Variants in CGN observed in about 807,000 individuals in gnomAD.
The protein encoded by CGN is cingulin.
In CGN, 121 loss-of-function variants were observed where a neutral mutation model predicts 157.1. That is an observed-to-expected ratio of 0.77 (90% CI 0.66 to 0.90). CGN has a LOEUF of 0.90. Ranked by LOEUF, CGN falls within the 40% of genes least tolerant of loss-of-function variation. CGN has a pLI of 0.00. For synonymous variants in CGN, 535 were observed against 607.5 expected (o/e 0.88, Z 1.76); for missense variants, 1,424 against 1,520.9 (o/e 0.94, Z 1.06).
At position 151,524,319 on chromosome 1, in the gene CGN, T is replaced by C. The variant is rs760834265; in HGVS notation, c.1362T>C (p.His454=). The part of the protein sequence containing the change: ...QVMELQNKLK[H]VQGPEPAKEV... ...TGGAGCTGCAGAACAAGCTGAAACA[T>C]GTCCAGGGTCCTGAGCCTGCTAAGG... The change falls in exon 7 of 21, where the codon CAT becomes CAC. Residue 454 remains histidine (H), a synonymous_variant. Transcript: ENST00000271636. The surrounding 1 kb of genome is among the most constrained non-coding windows in gnomAD (Gnocchi z 4.4). The C allele has an allele frequency of 3.5e-5, 56 of 1,613,986 alleles. No homozygotes were observed. In the South Asian group the frequency reaches 5.9e-4, roughly 17 times the overall value.
At chr1:151,517,005 A>T (rs1664429239) in intron 1 of CGN, among the ~76,000 whole-genome samples, 1 of 151,704 alleles carries the variant, frequency 6.6e-6, no homozygotes, top group African/African-American at 2.4e-5. Context: ...ACTAAAAACA[A>T]AAATTAGCCG....
At chr1:151,520,106 C>CAA (rs1011365281) in intron 2 of CGN, 60 bp from the exon 3 acceptor site, 8 of 1,363,398 alleles carry the variant, frequency 5.9e-6, no homozygotes, top group Non-Finnish European at 8.1e-6. Context: ...ATGCTTCTGG[C>CAA]CTAATCTTCC....
At position 151,536,811 on chromosome 1, in the gene CGN, A is replaced by G. The variant is rs1298432913; in HGVS notation, c.3388A>G (p.Lys1130Glu). ...EIERLDGLRK[K>E]AQREVEEQHE... is the part of the protein sequence containing the mutation. ...TGAGCGACTGGACGGCCTGAGGAAG[A>G]AGGCCCAGCGTGAGGTGGAGGAGCA... Residue 1130 changes from lysine (K) to glutamate (E), a missense_variant, in exon 20 of 21, where the codon AAG becomes GAG. Physicochemically the swap from Lys to Glu is moderately conservative, Grantham distance 56 (BLOSUM62 1). Transcript: ENST00000271636. 6.2e-7 allele frequency: 1 copy of G among 1,614,120 alleles called. No individual in the cohort carries two copies.
Position 151,530,054 on chromosome 1 carries a change from G to C in CGN, c.2252G>C (p.Gly751Ala). Residue 751 changes from glycine to alanine, a missense_variant, in exon 12 of 21, where the codon GGT becomes GCT. Physicochemically the swap from Gly to Ala is moderately conservative, Grantham distance 60. Transcript: ENST00000271636. ...GAGCAGCAGCTGAAGGAGACTCGAG[G>C]TCTGGTGGATGGTGGGGAAGCGGTG... is the stretch of plus-strand genomic sequence containing the variant. ...GLEQQLKETR[G>A]LVDGGEAVEA... 1.2e-6 allele frequency: 2 copies of C among 1,614,154 alleles called. No homozygotes were observed. Among genetic ancestry groups the C allele is most frequent in the East Asian group, 4.5e-5 (2 of 44,880 alleles).
In CGN at chr1:151,537,191, T is replaced by C; in HGVS notation, c.3471-14T>C. ...TTTTCCCCTCCCCAACCATTATTCT[T>C]CTCTCTGAGTCAGGCGCAAAGCTTC... is the stretch of plus-strand genomic sequence containing the variant. On this transcript the variant is annotated splice_polypyrimidine_tract_variant and intron_variant, in intron 20 of 20. Transcript: ENST00000271636. 1 of 1,607,976 alleles carries C rather than the reference T, an allele frequency of 6.2e-7. No individual in the cohort carries two copies. Among genetic ancestry groups the C allele is most frequent in the Non-Finnish European group, 8.5e-7 (1 of 1,177,282 alleles).
rs1405198657 is a variant in CGN, at chr1:151,520,248, A to G, written c.956A>G (p.Tyr319Cys). 1 of 1,613,460 alleles carries G rather than the reference A, an allele frequency of 6.2e-7. No homozygotes were observed. Among genetic ancestry groups the G allele is most frequent in the Non-Finnish European group, 8.5e-7 (1 of 1,179,872 alleles). ...GTGGACCATATGAAGGCCACCATCT[A>G]TGGCATCCTGAGGGAGGGGTGAGTG... is the stretch of plus-strand genomic sequence containing the variant. ...GSVDHMKATI[Y>C]GILREGSSES... is the part of the protein sequence containing the mutation. The change falls in exon 3 of 21, where the codon TAT becomes TGT. Residue 319 changes from tyrosine (Y) to cysteine (C), a missense_variant. Physicochemically the swap from Tyr to Cys is radical, Grantham distance 194 (BLOSUM62 -2). Around this residue, in one of 3 missense-constraint regions of CGN, gnomAD observed 1,187 missense variants for 1,217.6 expected, o/e 0.97. Coordinates refer to ENST00000271636, the MANE Select transcript of CGN (RefSeq NM_020770.3).
intron 19 of CGN, 83 bp from the exon 20 acceptor site, chr1:151,536,647 C>T: frequency 2.8e-6 from 4 of 1,436,220 alleles, no homozygotes; most frequent in Non-Finnish European, 3.8e-6. Context: ...GGCAATTATA[C>T]CTTGTCAAGA....
chr1:151,530,621 C>G lies in CGN; in HGVS notation c.2446C>G (p.Gln816Glu). The part of the protein sequence containing the change: ...QRGLARLGQE[Q>E]QTLNRALEEE... ...GGGGCTGGCCCGCCTGGGGCAGGAGCAGCAGACACTGAACCGGGCCCTGGA... is the reference window on the plus strand; with the variant it reads ...GGGGCTGGCCCGCCTGGGGCAGGAGGAGCAGACACTGAACCGGGCCCTGGA... Residue 816 changes from glutamine to glutamate, a missense_variant, in exon 13 of 21, where the codon CAG (glutamine) becomes GAG (glutamate). Physicochemically the swap from Gln to Glu is conservative, Grantham distance 29 (BLOSUM62 2). Around this residue, in one of 3 missense-constraint regions of CGN, gnomAD observed 1,187 missense variants for 1,217.6 expected, o/e 0.97. Transcript: ENST00000271636. 3 of 1,609,476 alleles carry G rather than the reference C, an allele frequency of 1.9e-6. No individual in the cohort carries two copies. The highest frequency in any genetic ancestry group is 2.5e-6 in the Non-Finnish European group (3 of 1,177,810).
Position 151,534,016 on chromosome 1 carries a change from G to A in CGN, c.2784G>A (p.Glu928=), listed in dbSNP as rs368022006. The change falls in exon 15 of 21, where the codon GAG becomes GAA. Residue 928 remains glutamate (E), a synonymous_variant. Coordinates refer to ENST00000271636, the MANE Select transcript of CGN (RefSeq NM_020770.3). The part of the protein sequence containing the change: ...LRQALQASQA[E]RDTARLDKEL... ...AGGCCCTGCAGGCATCCCAGGCTGA[G>A]CGGGACACAGCCCGGCTGGACAAAG... 4 of 1,613,124 alleles carry A rather than the reference G, an allele frequency of 2.5e-6. No homozygotes were observed. The highest frequency in any genetic ancestry group is 1.7e-4 in the Middle Eastern group (1 of 5,790).
At position 151,536,394 on chromosome 1, in the gene CGN, T is replaced by G. The variant is rs747357023; in HGVS notation, c.3306+49T>G. The G allele has an allele frequency of 4.6e-6, 5 of 1,084,520 alleles. No individual in the cohort carries two copies. In the South Asian group the frequency reaches 6.3e-5, roughly 14 times the overall value. 67.2% of individuals were successfully genotyped at this position (1,084,520 alleles called of 1,614,324 possible). A position where few individuals can be genotyped will look rare whatever the true frequency, so the allele number is the denominator to read the frequency against. On this transcript the variant is annotated intron_variant, in intron 19 of 20. Coordinates refer to ENST00000271636, the MANE Select transcript of CGN (RefSeq NM_020770.3). ...CAAGCAACCTGGGGCAGGTATATATTATATGTTTTCCTGAAAGCCAAGGGA... is the reference window on the plus strand; with the variant it reads ...CAAGCAACCTGGGGCAGGTATATATGATATGTTTTCCTGAAAGCCAAGGGA...
Position 151,532,492 on chromosome 1 carries a change from G to A in CGN, c.2662G>A (p.Ala888Thr). 6.2e-7 allele frequency: 1 copy of A among 1,610,220 alleles called. No homozygotes were observed. The highest frequency in any genetic ancestry group is 8.5e-7 in the Non-Finnish European group (1 of 1,178,782). ...TAAGGAAAAGGCCCGGCGGGAGGTG[G>A]CAGATGCCCAGCGCCAGGCCAAGGA... ...DYKEKARREV[A>T]DAQRQAKDWA... Residue 888 changes from alanine to threonine, a missense_variant, in exon 14 of 21, where the codon GCA (alanine) becomes ACA (threonine). Ala to Thr is a moderately conservative substitution (Grantham distance 58). Transcript: ENST00000271636.
At chr1:151,527,895 A>G (rs1664722512) in intron 10 of CGN, 1 of 300,346 alleles carries the variant, frequency 3.3e-6, no homozygotes, top group Non-Finnish European at 6.5e-6. Flanking sequence ...AAGTCTCTCC[A>G]GGTTGCTCTT....
intron 11 of CGN, 49 bp downstream of exon 11, chr1:151,529,608 G>A: frequency 6.0e-6 from 9 of 1,504,550 alleles, no homozygotes; most frequent in Non-Finnish European, 8.2e-6. Flanking sequence ...GAGGGTGTCT[G>A]GAGGGCTGAG....
intron 5 of CGN, 22 bp from the exon 6 acceptor site, chr1:151,523,412 G>C: frequency 6.3e-7 from 1 of 1,595,936 alleles, no homozygotes. Flanking sequence ...TCTACCTGCT[G>C]TACTCTCATT....
In CGN at chr1:151,530,708, C is replaced by G. The variant is rs1368824531; in HGVS notation, c.2533C>G (p.Arg845Gly). Residue 845 changes from arginine to glycine, a missense_variant, in exon 13 of 21, where the codon CGT becomes GGT. Coordinates refer to ENST00000271636, the MANE Select transcript of CGN (RefSeq NM_020770.3). ...CAAGGCTGAGCTGGAGGAGCAGAAG[C>G]GTTTGCTGGACAGGACTGTGGACCG... The part of the protein sequence containing the change: ...RGKAELEEQK[R>G]LLDRTVDRLN... The G allele has an allele frequency of 1.3e-6, 2 of 1,554,396 alleles. No homozygotes were observed. The highest frequency in any genetic ancestry group is 1.7e-6 in the Non-Finnish European group (2 of 1,148,274).
intron 9 of CGN, among the ~76,000 whole-genome samples, chr1:151,526,692 TTGAACTCC>T (rs1664689101): frequency 6.6e-6 from 1 of 152,204 alleles, no homozygotes; most frequent in African/African-American, 2.4e-5. Context: ...CAGGCTGGTC[TTGAACTCC>T]TGGGCTCAAG....
intron 5 of CGN, 26 bp downstream of exon 5, chr1:151,520,717 G>T: frequency 6.3e-7 from 1 of 1,593,070 alleles, no homozygotes; most frequent in South Asian, 1.1e-5. Flanking sequence ...AGGTGCCGGA[G>T]GCATGAAGGA....
chr1:151,526,993 G>A lies in CGN; in HGVS notation c.1782G>A (p.Met594Ile), dbSNP rs964106914. Residue 594 changes from methionine to isoleucine, a missense_variant, in exon 10 of 21, where the codon ATG becomes ATA. Around this residue, in one of 3 missense-constraint regions of CGN, gnomAD observed 1,187 missense variants for 1,217.6 expected, o/e 0.97. Coordinates refer to ENST00000271636, the MANE Select transcript of CGN (RefSeq NM_020770.3). ...GGCTCAGACTCCTGCAGCTGCGAAT[G>A]GAGAAGGAGGAGATGGAAGAGGAGC... ...ATKQELLQLRMEKEEMEEELG... is the reference protein window; with the variant it reads ...ATKQELLQLRIEKEEMEEELG... 6.2e-7 allele frequency: 1 copy of A among 1,614,164 alleles called. No homozygotes were observed. The highest frequency in any genetic ancestry group is 2.2e-5 in the East Asian group (1 of 44,886).
At chr1:151,532,609 C>G in intron 14 of CGN, 37 bp downstream of exon 14, 2 of 1,156,348 alleles carry the variant, frequency 1.7e-6, no homozygotes, top group Non-Finnish European at 2.3e-6. Flanking sequence ...AAGGTCCTTG[C>G]CTCTTTTTTT....
Sources: allele counts gnomAD v4.1 joint callset (sites outside exome capture counted in the v4.1 genomes callset), GRCh38; gene constraint gnomAD v4.1.1; regional missense constraint gnomAD v4.1.1; non-coding constraint Gnocchi (gnomAD v3.1); transcripts MANE v1.5; gene names NCBI Gene and HGNC (gene_info 2026-07-23, HGNC 2026-07-21).